The following GSG1L variants were observed in gnomAD, a reference collection of about 807,000 sequenced individuals.
GSG1L encodes GSG1 like, also known as germ cell-specific gene 1-like protein.
In GSG1L, 24 loss-of-function variants were observed where a neutral mutation model predicts 42.1. The observed-to-expected ratio is 0.57, with a 90% confidence interval of 0.41 to 0.80. The LOEUF (loss-of-function observed/expected upper bound fraction) is 0.80. Ranked by LOEUF, GSG1L falls within the 30% of genes least tolerant of loss-of-function variation. GSG1L has a pLI of 0.00. For synonymous variants in GSG1L, 215 were observed against 203.5 expected (o/e 1.06, Z -0.48); for missense variants, 445 against 472.2 (o/e 0.94, Z 0.53).
At chr16:27,879,627 T>G (rs2083927798) in intron 3 of GSG1L, among the ~76,000 whole-genome samples, 1 of 152,014 alleles carries the variant, frequency 6.6e-6, no homozygotes, top group Admixed American at 6.6e-5. Flanking sequence ...AAAATAATAA[T>G]AAATTTTTTA....
intron 5 of GSG1L, among the ~76,000 whole-genome samples, chr16:27,809,826 T>G (rs2083010974): frequency 6.6e-6 from 1 of 152,162 alleles, no homozygotes; most frequent in African/African-American, 2.4e-5. Flanking sequence ...TCCTCTTCTC[T>G]CATGCAAGGA....
Position 28,059,604 on chromosome 16 carries a change from C to A in GSG1L, c.349+3472G>T, listed in dbSNP as rs572425155. Among the ~76,000 whole-genome samples the A allele has an allele frequency of 1.8e-4, 27 of 152,202 alleles. No homozygotes were observed. Among genetic ancestry groups the A allele is most frequent in the African/African-American group, 6.5e-4 (27 of 41,518 alleles). Reference sequence around the variant, plus strand: ...CAAGCTCCCACCTGCCCCACCATCGCCCCTAACCCAGACCTTCATTCTCCC... The same window carrying A: ...CAAGCTCCCACCTGCCCCACCATCGACCCTAACCCAGACCTTCATTCTCCC... On this transcript the variant is annotated intron_variant, in intron 1 of 6. Coordinates refer to ENST00000447459, the MANE Select transcript of GSG1L (RefSeq NM_001109763.2). The surrounding 1 kb of genome is among the most constrained non-coding windows in gnomAD (Gnocchi z 4.4).
chr16:27,811,479 A>T (rs967622101), intron 5 of GSG1L, among the ~76,000 whole-genome samples: 8 of 152,186 alleles, frequency 5.3e-5, no homozygotes, highest in Admixed American at 3.9e-4. Context: ...ACCAGGTAAC[A>T]GCCCCTCCTC....
chr16:27,880,228 C>T (rs1212450908), intron 3 of GSG1L, among the ~76,000 whole-genome samples: 1 of 152,222 alleles, frequency 6.6e-6, no homozygotes, highest in Non-Finnish European at 1.5e-5. Flanking sequence ...TCTTCCTGGC[C>T]AGACGCCCAG....
chr16:27,999,516 A>G (rs1197585180), intron 1 of GSG1L, among the ~76,000 whole-genome samples: 1 of 152,208 alleles, frequency 6.6e-6, no homozygotes, highest in African/African-American at 2.4e-5. Flanking sequence ...GTTATTCCAC[A>G]TCCCTGGCCC....
chr16:27,936,896 G>T (rs1369360004), intron 2 of GSG1L, among the ~76,000 whole-genome samples: 1 of 152,152 alleles, frequency 6.6e-6, no homozygotes, highest in East Asian at 1.9e-4. Context: ...AACGTCCAGG[G>T]CAGGAAAGTC....
intron 1 of GSG1L, among the ~76,000 whole-genome samples, chr16:28,022,053 T>C (rs183445330): frequency 6.6e-6 from 1 of 152,232 alleles, no homozygotes; most frequent in African/African-American, 2.4e-5. Flanking sequence ...CAAAACCAAA[T>C]AGGCAAAATT....
chr16:27,885,494 C>T (rs376396494), intron 2 of GSG1L, among the ~76,000 whole-genome samples: 1 of 152,096 alleles, frequency 6.6e-6, no homozygotes, highest in South Asian at 2.1e-4. Flanking sequence ...AGCAGGCTTG[C>T]CCTCAAGGGT....
chr16:27,798,306 G>C (rs2082844295), intron 6 of GSG1L, among the ~76,000 whole-genome samples: 1 of 152,158 alleles, frequency 6.6e-6, no homozygotes, highest in Non-Finnish European at 1.5e-5. Flanking sequence ...TGGGGAGGGG[G>C]CTGGGGGCAG....
intron 1 of GSG1L, among the ~76,000 whole-genome samples, chr16:28,024,359 G>A (rs574035831): frequency 6.6e-6 from 1 of 152,330 alleles, no homozygotes; most frequent in East Asian, 1.9e-4. Context: ...AACTCCGATT[G>A]TAAATTAGAT....
chr16:27,979,690 G>A (rs867770692), intron 1 of GSG1L, among the ~76,000 whole-genome samples: 324 of 18,494 alleles, frequency 0.018, 1 homozygote, highest in African/African-American at 0.049. Flanking sequence ...AAAGAAAGAA[G>A]GAAGGAAGGA....
At chr16:27,834,140 A>C (rs1453801975) in intron 4 of GSG1L, among the ~76,000 whole-genome samples, 1 of 152,142 alleles carries the variant, frequency 6.6e-6, no homozygotes, top group Non-Finnish European at 1.5e-5. Context: ...AGTTTTTTAA[A>C]AAGTATGAAT....
chr16:27,833,740 T>C (rs2083294986), intron 4 of GSG1L, among the ~76,000 whole-genome samples: 1 of 152,166 alleles, frequency 6.6e-6, no homozygotes, highest in Non-Finnish European at 1.5e-5. Context: ...GTTGTCCGAA[T>C]GTTCATTGCT....
At chr16:27,964,319 G>C (rs1293841455) in intron 1 of GSG1L, among the ~76,000 whole-genome samples, 1 of 116,140 alleles carries the variant, frequency 8.6e-6, no homozygotes, top group Non-Finnish European at 1.9e-5. Flanking sequence ...GAGGGACTCT[G>C]TCTCAAAAAA....
chr16:27,869,765 G>A (rs1335452565), intron 3 of GSG1L, among the ~76,000 whole-genome samples: 1 of 79,412 alleles, frequency 1.3e-5, no homozygotes, highest in Non-Finnish European at 2.4e-5. Context: ...CTCTGTCTCT[G>A]TCTCCCTCTA....
In GSG1L at chr16:27,789,654, A is replaced by G. The variant is rs1048873255; in HGVS notation, c.*1716T>C. 7.3e-5 allele frequency: 11 copies of G among 151,408 alleles called. No homozygotes were observed. The highest frequency in any genetic ancestry group is 2.7e-4 in the African/African-American group (11 of 41,192). The allele number at this position is 151,408 out of a possible 1,614,324, so 9.4% of individuals were successfully genotyped here. A position where few individuals can be genotyped will look rare whatever the true frequency, so the allele number is the denominator to read the frequency against. On this transcript the variant is annotated 3_prime_UTR_variant, in exon 7 of 7. Coordinates refer to ENST00000447459, the MANE Select transcript of GSG1L (RefSeq NM_001109763.2). The stretch of plus-strand genomic sequence containing the variant: ...TAACGAATGGGTGGATGGATGATGA[A>G]TGGATGGATGAAAGCATAGACAATG...
intron 2 of GSG1L, among the ~76,000 whole-genome samples, chr16:27,961,045 G>A (rs115344974): frequency 0.02 from 3,111 of 152,020 alleles, 114 homozygotes; most frequent in African/African-American, 0.071. Context: ...ACACACACAC[G>A]TACTCAAATT....
intron 1 of GSG1L, among the ~76,000 whole-genome samples, chr16:28,003,075 A>C (rs1193696275): frequency 6.6e-6 from 1 of 152,252 alleles, no homozygotes; most frequent in Non-Finnish European, 1.5e-5. Context: ...GGCTGTTGTG[A>C]GCGAGTCCTG....
At position 28,059,471 on chromosome 16, in the gene GSG1L, A is replaced by C. The variant is rs2086316684; in HGVS notation, c.349+3605T>G. On this transcript the variant is annotated intron_variant, in intron 1 of 6. Coordinates refer to ENST00000447459, the MANE Select transcript of GSG1L (RefSeq NM_001109763.2). The surrounding 1 kb of genome is among the most constrained non-coding windows in gnomAD (Gnocchi z 4.4). ...CTGCCAGCCTGGCAAGTCCCCCAAG[A>C]CCCCTCCACCTCCCCCCAATCTTCC... 8.2e-5 allele frequency among the ~76,000 whole-genome samples: 12 copies of C among 146,680 alleles called. No homozygotes were observed. Among genetic ancestry groups the C allele is most frequent in the East Asian group, 2.0e-4 (1 of 4,944 alleles).
Sources: gnomAD v4.1 joint callset for allele counts (sites outside exome capture counted in the v4.1 genomes callset) on GRCh38, gnomAD v4.1.1 for gene constraint, Gnocchi (gnomAD v3.1) non-coding constraint, MANE v1.5 for transcripts, NCBI Gene and HGNC (gene_info 2026-07-23, HGNC 2026-07-21) for gene names.